Variants in MMP16 observed in about 807,000 individuals in gnomAD.
MMP16 encodes matrix metalloproteinase-16.
Under a neutral mutation model 67.8 loss-of-function variants are expected in MMP16, and 12 were observed. The ratio of observed to expected loss-of-function variants is 0.18; its 90% CI spans 0.11 to 0.29. MMP16 has a LOEUF of 0.29. Ranked by LOEUF, MMP16 falls within the 10% of genes least tolerant of loss-of-function variation. The pLI is 1.00. For synonymous variants in MMP16, 249 were observed against 255.9 expected (o/e 0.97, Z 0.26); for missense variants, 475 against 765.7 (o/e 0.62, Z 4.48).
At chr8:88,308,757 T>C (rs1312976196) in intron 1 of MMP16, among the ~76,000 whole-genome samples, 1 of 152,002 alleles carries the variant, frequency 6.6e-6, no homozygotes, top group Non-Finnish European at 1.5e-5. Flanking sequence ...CTGAAAGTTA[T>C]AACATAAAGA....
intron 1 of MMP16, among the ~76,000 whole-genome samples, chr8:88,308,901 G>T (rs1418449658): frequency 6.6e-6 from 1 of 151,744 alleles, no homozygotes; most frequent in African/African-American, 2.4e-5. Context: ...GGCAGAAAAA[G>T]AAAGTCTTCA....
intron 6 of MMP16, among the ~76,000 whole-genome samples, chr8:88,088,696 T>G (rs1179665731): frequency 4.6e-5 from 7 of 152,062 alleles, no homozygotes; most frequent in Admixed American, 4.6e-4. Flanking sequence ...CTGTGGTTTA[T>G]TTACTTAAAT....
chr8:88,318,202 G>C (rs7821897), intron 1 of MMP16, among the ~76,000 whole-genome samples: 18,634 of 152,056 alleles, frequency 0.12, 1,249 homozygotes, highest in Non-Finnish European at 0.14. Context: ...AAATCTTCCT[G>C]AATACTTTGA....
chr8:88,186,616 A>G lies in MMP16; in HGVS notation c.282-18T>C. The G allele has an allele frequency of 1.9e-6, 3 of 1,578,500 alleles. No individual in the cohort carries two copies. The highest frequency in any genetic ancestry group is 1.7e-6 in the Non-Finnish European group (2 of 1,169,876). The stretch of plus-strand genomic sequence containing the variant: ...TCATCCAGCTGCAAAAAAAAAAAAA[A>G]AAAAAAAAAAGCAGTATTTTCCAGT... On this transcript the variant is annotated intron_variant, in intron 2 of 9. Transcript: ENST00000286614.
chr8:88,278,536 T>C (rs571837575), intron 1 of MMP16, among the ~76,000 whole-genome samples: 79 of 152,316 alleles, frequency 5.2e-4, no homozygotes, highest in African/African-American at 1.8e-3. Context: ...ATCAAGCTTA[T>C]AGCAGCTGTA....
intron 1 of MMP16, among the ~76,000 whole-genome samples, chr8:88,323,057 G>T (rs1450200684): frequency 2.6e-5 from 4 of 152,146 alleles, no homozygotes; most frequent in African/African-American, 7.2e-5. Context: ...AGCCCCTGTT[G>T]TTGACCAGTT....
intron 1 of MMP16, among the ~76,000 whole-genome samples, chr8:88,296,158 T>C (rs1811010007): frequency 6.6e-6 from 1 of 152,194 alleles, no homozygotes. Flanking sequence ...CAACGATTAT[T>C]CGCCAGCTTC....
At chr8:88,162,313 C>T (rs536294908) in intron 4 of MMP16, among the ~76,000 whole-genome samples, 2 of 151,986 alleles carry the variant, frequency 1.3e-5, no homozygotes, top group South Asian at 2.1e-4. Flanking sequence ...TAAAATGAAG[C>T]TCATTCCAGG....
chr8:88,290,787 A>G (rs960510498), intron 1 of MMP16, among the ~76,000 whole-genome samples: 5 of 152,142 alleles, frequency 3.3e-5, no homozygotes, highest in African/African-American at 1.2e-4. Flanking sequence ...TGTTCACCAA[A>G]TCATGACACC....
intron 7 of MMP16, among the ~76,000 whole-genome samples, chr8:88,070,415 G>C (rs1808532219): frequency 6.6e-6 from 1 of 152,090 alleles, no homozygotes; most frequent in Non-Finnish European, 1.5e-5. Flanking sequence ...AGGTGGTTGG[G>C]GGCAGCCGGT....
chr8:88,223,341 G>C (rs1220419821), intron 1 of MMP16, among the ~76,000 whole-genome samples: 3 of 151,978 alleles, frequency 2.0e-5, no homozygotes, highest in East Asian at 3.9e-4. Flanking sequence ...ACCCATTACT[G>C]GGTATATACC....
chr8:88,049,339 T>C (rs1337072350), intron 8 of MMP16, among the ~76,000 whole-genome samples: 2 of 152,230 alleles, frequency 1.3e-5, no homozygotes, highest in African/African-American at 4.8e-5. Flanking sequence ...TTAAACATCA[T>C]TTCTGAATAT....
At chr8:88,195,078 A>G (rs1809229008) in intron 2 of MMP16, among the ~76,000 whole-genome samples, 1 of 152,034 alleles carries the variant, frequency 6.6e-6, no homozygotes, top group Admixed American at 6.6e-5. Context: ...CATTTTTTAC[A>G]TCCTCCTGCC....
intron 1 of MMP16, among the ~76,000 whole-genome samples, chr8:88,312,787 G>A (rs544084005): frequency 3.3e-5 from 5 of 151,972 alleles, no homozygotes; most frequent in East Asian, 3.9e-4. Flanking sequence ...TGACCAACAC[G>A]GTGAAACCCC....
At chr8:88,158,224 C>G (rs1808548523) in intron 4 of MMP16, among the ~76,000 whole-genome samples, 1 of 152,102 alleles carries the variant, frequency 6.6e-6, no homozygotes. Context: ...ATTTCTAGTT[C>G]TAGATCCTTG....
At chr8:88,149,496 G>A (rs987056726) in intron 4 of MMP16, among the ~76,000 whole-genome samples, 46 of 152,170 alleles carry the variant, frequency 3.0e-4, no homozygotes, top group Non-Finnish European at 3.2e-4. Context: ...GGTTCTCCCA[G>A]CACGCGGCTG....
intron 5 of MMP16, 88 bp downstream of exon 5, chr8:88,118,612 C>G: frequency 8.2e-7 from 1 of 1,224,954 alleles, no homozygotes; most frequent in Non-Finnish European, 1.2e-6. Context: ...CTGTGTTATA[C>G]TTAGAGCATC....
At chr8:88,175,374 G>T in intron 3 of MMP16, among the ~76,000 whole-genome samples, 1 of 152,134 alleles carries the variant, frequency 6.6e-6, no homozygotes, top group Middle Eastern at 3.2e-3. Flanking sequence ...TTAAATGTCA[G>T]ATTTTACTTA....
intron 6 of MMP16, among the ~76,000 whole-genome samples, chr8:88,092,975 A>G (rs1808963568): frequency 6.6e-6 from 1 of 151,896 alleles, no homozygotes; most frequent in Admixed American, 6.6e-5. Context: ...AAGAATAACA[A>G]AGGTATTTAA....
Sources: allele counts gnomAD v4.1 joint callset (sites outside exome capture counted in the v4.1 genomes callset), GRCh38; gene constraint gnomAD v4.1.1; transcripts MANE v1.5; gene names NCBI Gene and HGNC (gene_info 2026-07-23, HGNC 2026-07-21).